Variants in PODXL2 observed in about 807,000 individuals in gnomAD.
PODXL2 encodes the protein podocalyxin like 2, also known as podocalyxin-like protein 2.
A neutral mutation model predicts 53.4 loss-of-function variants in PODXL2; 17 were observed. That is an observed-to-expected ratio of 0.32 (90% confidence interval 0.22 to 0.48). PODXL2 has a LOEUF of 0.48. Ranked by LOEUF, PODXL2 falls within the 20% of genes least tolerant of loss-of-function variation. The pLI is 0.99. For missense variants in PODXL2, 673 were observed against 760.0 expected (o/e 0.89, Z 1.35); for synonymous variants, 311 against 306.7 (o/e 1.01, Z -0.15).
intron 4 of PODXL2, among the ~76,000 whole-genome samples, chr3:127,663,941 A>G (rs968695000): frequency 1.5e-4 from 23 of 152,126 alleles, no homozygotes; most frequent in Non-Finnish European, 4.4e-5. Context: ...TGTTATTCTA[A>G]TATGTGACCT....
rs2107704486 is a variant in PODXL2 at position 127,639,447 on chromosome 3, T to C, written c.273T>C (p.Ile91=). ...FPSEENEESR[I]LQPPQYFWEE... ...GCGAAGAGAATGAAGAGTCTCGGAT[T>C]CTGCAGCCACCACAGTACTTCTGGG... is the stretch of plus-strand genomic sequence containing the variant. The change falls in exon 2 of 8, where the codon ATT becomes ATC. Residue 91 remains isoleucine (I), a synonymous_variant. Transcript: ENST00000342480. 1.2e-6 allele frequency: 2 copies of C among 1,614,284 alleles called. No homozygotes were observed. Among genetic ancestry groups the C allele is most frequent in the East Asian group, 2.2e-5 (1 of 44,892 alleles).
rs538584886 is a variant in PODXL2 at position 127,662,426 on chromosome 3, G to T, written c.1206+115G>T. On this transcript the variant is annotated intron_variant, in intron 4 of 7. Coordinates refer to ENST00000342480, the MANE Select transcript of PODXL2 (RefSeq NM_015720.4). The stretch of plus-strand genomic sequence containing the variant: ...GCGTGGGAGAAGGCTTAGTCCTTCA[G>T]TTGGTGGCCCAGGGATATACCAGCA... 53 of 707,978 alleles carry T rather than the reference G, an allele frequency of 7.5e-5. No homozygotes were observed. The African/African-American group carries it at 8.4e-4, about 11-fold the overall frequency. The allele number at this position is 707,978 out of a possible 1,614,324, so 43.9% of individuals were successfully genotyped here.
At chr3:127,654,710 T>G (rs2074710861) in intron 2 of PODXL2, among the ~76,000 whole-genome samples, 1 of 152,224 alleles carries the variant, frequency 6.6e-6, no homozygotes, top group African/African-American at 2.4e-5. Flanking sequence ...ACTCAAGTGC[T>G]TATCCTGCTC....
intron 2 of PODXL2, among the ~76,000 whole-genome samples, chr3:127,655,757 C>T (rs2074720273): frequency 6.6e-6 from 1 of 152,220 alleles, no homozygotes; most frequent in Non-Finnish European, 1.5e-5. Context: ...TTTGTCAAGT[C>T]ACTGGAGTGA....
intron 3 of PODXL2, 125 bp downstream of exon 3, chr3:127,661,284 G>A (rs1230338400): frequency 1.2e-5 from 8 of 682,608 alleles, no homozygotes; most frequent in African/African-American, 5.4e-5. Flanking sequence ...TCCACAGCAC[G>A]TAGAACCCCA....
chr3:127,671,707 TGGG>T, intron 7 of PODXL2, 94 bp downstream of exon 7: 3 of 1,247,580 alleles, frequency 2.4e-6, no homozygotes, highest in Non-Finnish European at 3.4e-6. Flanking sequence ...GTGACTCTCC[TGGG>T]CGCACAGGGT....
intron 2 of PODXL2, among the ~76,000 whole-genome samples, chr3:127,643,435 C>G (rs927099519): frequency 1.3e-5 from 2 of 152,208 alleles, no homozygotes; most frequent in African/African-American, 4.8e-5. Flanking sequence ...GTTTCAAACT[C>G]CTGATCTCAA....
intron 3 of PODXL2, among the ~76,000 whole-genome samples, chr3:127,661,980 T>C (rs1467665544): frequency 2.0e-5 from 3 of 152,208 alleles, no homozygotes; most frequent in Non-Finnish European, 4.4e-5. Context: ...CCCTTTGATA[T>C]AGTCCCCTAC....
At chr3:127,648,305 C>T (rs531841872) in intron 2 of PODXL2, among the ~76,000 whole-genome samples, 1 of 152,324 alleles carries the variant, frequency 6.6e-6, no homozygotes, top group South Asian at 2.1e-4. Flanking sequence ...GGACCTGGAG[C>T]TGGTTCCTGT....
In PODXL2 at chr3:127,639,500, G is replaced by A. The variant is rs1251407208; in HGVS notation, c.326G>A (p.Ser109Asn). 19 of 1,613,694 alleles carry A rather than the reference G, an allele frequency of 1.2e-5. No individual in the cohort carries two copies. Among genetic ancestry groups the A allele is most frequent in the Non-Finnish European group, 1.6e-5 (19 of 1,179,784 alleles). Residue 109 changes from serine to asparagine, a missense_variant, in exon 2 of 8, where the codon AGT (serine) becomes AAT (asparagine). Physicochemically the swap from Ser to Asn is conservative, Grantham distance 46. Around this residue, in one of 3 missense-constraint regions of PODXL2, gnomAD observed 588 missense variants for 668.3 expected, o/e 0.88. Coordinates refer to ENST00000342480, the MANE Select transcript of PODXL2 (RefSeq NM_015720.4). ...GAGGAGGAAGAGCTGAATGACTCAA[G>A]TCTGGACCTGGGACCCACTGCAGGT... ...WEEEEELNDS[S>N]LDLGPTADYV...
chr3:127,669,275 G>A, intron 6 of PODXL2, 73 bp downstream of exon 6: 1 of 1,063,366 alleles, frequency 9.4e-7, no homozygotes, highest in East Asian at 2.6e-5. Context: ...AAAGTCCCAG[G>A]AGTCTGCCCA....
chr3:127,669,097 C>A, intron 5 of PODXL2, 44 bp from the exon 6 acceptor site: 1 of 1,424,570 alleles, frequency 7.0e-7, no homozygotes, highest in East Asian at 2.4e-5. Flanking sequence ...GGGGCACGCA[C>A]CTCAGCCATG....
Position 127,672,489 on chromosome 3 carries a change from G to T in PODXL2, c.*9G>T. On this transcript the variant is annotated 3_prime_UTR_variant, in exon 8 of 8. Transcript: ENST00000342480. ...AGGACACGCACCTGTGAGCGCAGCC[G>T]AGGCGCAGGCCGAGTGGGCCGCCAG... The T allele has an allele frequency of 6.8e-7, 1 of 1,474,524 alleles. No homozygotes were observed. Among genetic ancestry groups the T allele is most frequent in the Non-Finnish European group, 9.0e-7 (1 of 1,111,696 alleles). The allele number at this position is 1,474,524 out of a possible 1,614,324, so 91.3% of individuals were successfully genotyped here. A position where few individuals can be genotyped will look rare whatever the true frequency, so the allele number is the denominator to read the frequency against.
chr3:127,663,474 T>A (rs1175876885), intron 4 of PODXL2, among the ~76,000 whole-genome samples: 2 of 152,230 alleles, frequency 1.3e-5, no homozygotes, highest in African/African-American at 4.8e-5. Context: ...TTAGTGGGCC[T>A]GGGCAAGACT....
chr3:127,668,318 A>T (rs561256663), intron 4 of PODXL2, 123 bp from the exon 5 acceptor site: 1 of 861,528 alleles, frequency 1.2e-6, no homozygotes, highest in Non-Finnish European at 1.6e-6. Context: ...AGAGTTGACC[A>T]GAGCTGCCTC....
At chr3:127,644,971 C>G (rs1237093197) in intron 2 of PODXL2, among the ~76,000 whole-genome samples, 1 of 152,248 alleles carries the variant, frequency 6.6e-6, no homozygotes, top group African/African-American at 2.4e-5. Flanking sequence ...AATCTCTTCT[C>G]TGTACTACCT....
chr3:127,667,000 G>A (rs2074797951), intron 4 of PODXL2, among the ~76,000 whole-genome samples: 1 of 152,234 alleles, frequency 6.6e-6, no homozygotes, highest in Admixed American at 6.5e-5. Flanking sequence ...CCTTGCTCTG[G>A]CAGGGGCGGG....
In PODXL2 at chr3:127,660,455, C is replaced by T. The variant is rs773455276; in HGVS notation, c.427C>T (p.Pro143Ser). 9 of 1,614,190 alleles carry T rather than the reference C, an allele frequency of 5.6e-6. No homozygotes were observed. The Admixed American group carries it at 1.3e-4, about 24-fold the overall frequency. Residue 143 changes from proline (P) to serine (S), a missense_variant, in exon 3 of 8, where the codon CCC (proline) becomes TCC (serine). Pro to Ser is a moderately conservative substitution (Grantham distance 74, BLOSUM62 -1). Transcript: ENST00000342480. The part of the protein sequence containing the change: ...TSQAQELPNL[P>S]SPLPKMNLVE... The stretch of plus-strand genomic sequence containing the variant: ...CCAGGCTCAAGAGCTGCCAAACCTC[C>T]CCTCTCCCTTGCCCAAGATGAATCT...
intron 2 of PODXL2, among the ~76,000 whole-genome samples, chr3:127,650,142 T>C (rs1034156706): frequency 3.3e-5 from 5 of 152,356 alleles, no homozygotes; most frequent in East Asian, 3.9e-4. Context: ...CTGGCCCTTA[T>C]GCCTGTTTTA....
Sources: allele counts gnomAD v4.1 joint callset (sites outside exome capture counted in the v4.1 genomes callset), GRCh38; gene constraint gnomAD v4.1.1; regional missense constraint gnomAD v4.1.1; transcripts MANE v1.5; gene names NCBI Gene and HGNC (gene_info 2026-07-23, HGNC 2026-07-21).